The following SFI1 variants were observed in gnomAD, a reference collection of about 807,000 sequenced individuals.
SFI1 encodes protein SFI1 homolog.
In SFI1, 195 loss-of-function variants were observed where a neutral mutation model predicts 207.5. The ratio of observed to expected loss-of-function variants is 0.94; its 90% CI spans 0.84 to 1.06. SFI1 has a LOEUF of 1.06. Ranked by LOEUF, SFI1 falls within the 50% of genes least tolerant of loss-of-function variation. The pLI is 0.00. For synonymous variants in SFI1, 630 were observed against 598.9 expected (o/e 1.05, Z -0.76); for missense variants, 1,634 against 1,588.0 (o/e 1.03, Z -0.49).
At chr22:31,497,371 CTT>C (rs774892977) in intron 1 of SFI1, 7 of 152,152 alleles carry the variant, frequency 4.6e-5, no homozygotes, top group Non-Finnish European at 8.8e-5. Flanking sequence ...ATATTTCAAA[CTT>C]TTTATTTCAG....
chr22:31,562,456 G>T (rs933330966), intron 8 of SFI1, among the ~76,000 whole-genome samples: 1 of 134,224 alleles, frequency 7.5e-6, no homozygotes, highest in African/African-American at 2.9e-5. Context: ...AAAAAAAAAA[G>T]AAGTAGATTT....
chr22:31,575,368 CG>C lies in SFI1; in HGVS notation c.1061del (p.Arg354ProfsTer39). ...ACTGGCCAGGAAGATGGCCCTGCGG[CG>C]CGCCTTTACTCACTGGAAACACTGT... ...EKLARKMALR[R>X]AFTHWKHYML... On this transcript the variant is annotated frameshift_variant, in exon 10 of 33. Coordinates refer to ENST00000400288, the MANE Select transcript of SFI1 (RefSeq NM_001007467.3). LOFTEE classifies it high-confidence loss of function. 3.1e-6 allele frequency: 5 copies of C among 1,610,658 alleles called. No individual in the cohort carries two copies. Among genetic ancestry groups the C allele is most frequent in the Non-Finnish European group, 4.2e-6 (5 of 1,178,734 alleles).
In SFI1 at chr22:31,528,756, T is replaced by C. The variant is rs2058181629; in HGVS notation, c.159T>C (p.Ser53=). The change falls in exon 3 of 33, where the codon TCT becomes TCC. Residue 53 remains serine (S), a synonymous_variant. Transcript: ENST00000400288. The stretch of plus-strand genomic sequence containing the variant: ...AGACACTGTCCAACAAGAAGTCTTC[T>C]GCATCCTTTGGGATCCGGAGGGAGT... ...SAKTLSNKKS[S]ASFGIRRELP... 3 of 1,614,094 alleles carry C rather than the reference T, an allele frequency of 1.9e-6. No individual in the cohort carries two copies. The highest frequency in any genetic ancestry group is 2.5e-6 in the Non-Finnish European group (3 of 1,180,028).
At chr22:31,497,320 T>C (rs1419061016) in intron 1 of SFI1, 2 of 152,242 alleles carry the variant, frequency 1.3e-5, no homozygotes, top group African/African-American at 2.4e-5. Flanking sequence ...TTCAACAGCA[T>C]GTGCCCACTT....
chr22:31,541,366 T>C (rs1189758041), intron 4 of SFI1, among the ~76,000 whole-genome samples: 5 of 152,198 alleles, frequency 3.3e-5, no homozygotes. Context: ...CCTTTTTGAA[T>C]ACATTTGCTG....
intron 2 of SFI1, among the ~76,000 whole-genome samples, chr22:31,514,280 C>T (rs1000515306): frequency 2.6e-5 from 4 of 151,400 alleles, no homozygotes; most frequent in African/African-American, 4.9e-5. Context: ...CCAAGGCAGT[C>T]GGATCATGAG....
chr22:31,593,274 T>C (rs1329720523), intron 15 of SFI1, among the ~76,000 whole-genome samples: 8 of 130,412 alleles, frequency 6.1e-5, no homozygotes, highest in South Asian at 2.6e-4. Flanking sequence ...TCCTCACTTC[T>C]CAGACGGGGC....
rs1012788572 is a variant in SFI1, at chr22:31,609,685, C to T, written c.2255-1458C>T. ...AAACCCTGGGGTCAGCCATCCCACA[C>T]GGCTGCATTACTGCGCCACGAATGT... On this transcript the variant is annotated intron_variant, in intron 22 of 32. Coordinates refer to ENST00000400288, the MANE Select transcript of SFI1 (RefSeq NM_001007467.3). Among the ~76,000 whole-genome samples, 7 of 152,352 alleles carry T rather than the reference C, an allele frequency of 4.6e-5. No homozygotes were observed. The East Asian group carries it at 7.7e-4, about 17-fold the overall frequency.
rs561543743 is a variant in SFI1, at chr22:31,605,040, G to A, written c.2054+95G>A. 61 of 1,137,530 alleles carry A rather than the reference G, an allele frequency of 5.4e-5. 1 individual carries two copies. The highest frequency in any genetic ancestry group is 3.8e-4 in the South Asian group (23 of 60,834). 70.5% of individuals were successfully genotyped at this position (1,137,530 alleles called of 1,614,324 possible). On this transcript the variant is annotated intron_variant, in intron 20 of 32. Transcript: ENST00000400288. Reference sequence around the variant, plus strand: ...AGGGGGTCCTGCTGAGGGCCAGGTCGGGGATGATCCCGGGTTCCTAGTCGC... The same window carrying A: ...AGGGGGTCCTGCTGAGGGCCAGGTCAGGGATGATCCCGGGTTCCTAGTCGC...
At chr22:31,512,852 A>G (rs1285605548) in intron 2 of SFI1, among the ~76,000 whole-genome samples, 1 of 151,444 alleles carries the variant, frequency 6.6e-6, no homozygotes. Context: ...ACGCCCGGCT[A>G]ATTTTTTGTA....
intron 4 of SFI1, 85 bp downstream of exon 4, chr22:31,531,214 T>A: frequency 9.1e-7 from 1 of 1,099,278 alleles, no homozygotes; most frequent in Non-Finnish European, 1.3e-6. Flanking sequence ...AACTTCATTA[T>A]GGCTTGTGCT....
chr22:31,613,032 G>A (rs2070652349), intron 24 of SFI1, 110 bp from the exon 25 acceptor site: 2 of 1,142,038 alleles, frequency 1.8e-6, no homozygotes, highest in African/African-American at 1.5e-5. Context: ...GAGGAAGTGG[G>A]AGCCTCGACT....
intron 24 of SFI1, chr22:31,612,044 T>G (rs1603353655): frequency 1.5e-6 from 2 of 1,368,968 alleles, no homozygotes; most frequent in East Asian, 2.9e-5. Flanking sequence ...GAACAGTTAC[T>G]TCAAGGCCAG....
chr22:31,534,361 C>G (rs1292040653), intron 4 of SFI1, among the ~76,000 whole-genome samples: 2 of 152,134 alleles, frequency 1.3e-5, no homozygotes, highest in Non-Finnish European at 2.9e-5. Context: ...CTTACCCTTC[C>G]TTTTTCATTT....
chr22:31,589,503 C>T lies in SFI1; in HGVS notation c.1470C>T (p.Phe490=), dbSNP rs1167250601. ...AGCAGAGAGCCCTGCCTGCTGCCTTCCACACATGGAACAGACTCTGGCGAT... is the reference window on the plus strand; with the variant it reads ...AGCAGAGAGCCCTGCCTGCTGCCTTTCACACATGGAACAGACTCTGGCGAT... ...HFQQRALPAA[F]HTWNRLWRWR... is the part of the protein sequence containing the mutation. Residue 490 remains phenylalanine (F), a synonymous_variant, in exon 15 of 33, where the codon TTC becomes TTT. Coordinates refer to ENST00000400288, the MANE Select transcript of SFI1 (RefSeq NM_001007467.3). 5.0e-6 allele frequency: 8 copies of T among 1,614,064 alleles called. No homozygotes were observed. The highest frequency in any genetic ancestry group is 1.7e-6 in the Non-Finnish European group (2 of 1,180,014).
At chr22:31,583,506 C>T (rs962144430) in intron 12 of SFI1, among the ~76,000 whole-genome samples, 7 of 152,170 alleles carry the variant, frequency 4.6e-5, no homozygotes, top group East Asian at 1.9e-4. Flanking sequence ...TTCCTATAAT[C>T]GTTACATCTG....
intron 4 of SFI1, among the ~76,000 whole-genome samples, chr22:31,537,149 A>G (rs1025967325): frequency 8.5e-5 from 13 of 152,248 alleles, no homozygotes; most frequent in Admixed American, 7.2e-4. Context: ...TTCTAGTTCA[A>G]CATCCTTAGC....
chr22:31,530,620 C>T (rs1345861019), intron 3 of SFI1: 4 of 470,744 alleles, frequency 8.5e-6, no homozygotes, highest in Non-Finnish European at 1.8e-5. Context: ...GAATGACAGA[C>T]ACCCTGTGAG....
chr22:31,545,731 C>G (rs1342990433), intron 4 of SFI1, among the ~76,000 whole-genome samples: 1 of 151,684 alleles, frequency 6.6e-6, no homozygotes, highest in East Asian at 1.9e-4. Flanking sequence ...CTGGCGTGCA[C>G]CACCATGCCT....
Sources: allele counts gnomAD v4.1 joint callset (sites outside exome capture counted in the v4.1 genomes callset), GRCh38; gene constraint gnomAD v4.1.1; transcripts MANE v1.5; gene names NCBI Gene and HGNC (gene_info 2026-07-23, HGNC 2026-07-21).